Variants in NALCN observed in about 807,000 individuals in gnomAD.
The protein encoded by NALCN is sodium leak channel, non-selective.
Under a neutral mutation model 225.3 loss-of-function variants are expected in NALCN, and 111 were observed. The observed-to-expected ratio is 0.49, with a 90% CI of 0.42 to 0.58. The LOEUF (loss-of-function observed/expected upper bound fraction) is 0.58. Among genes scored for constraint, NALCN ranks in the 20% least tolerant of loss-of-function variants. NALCN has a pLI of 0.00. For synonymous variants in NALCN, 764 were observed against 769.0 expected (o/e 0.99, Z 0.11); for missense variants, 1,378 against 2,202.4 (o/e 0.63, Z 7.49).
intron 10 of NALCN, among the ~76,000 whole-genome samples, chr13:101,265,415 C>A (rs1269199385): frequency 6.6e-6 from 1 of 152,112 alleles, no homozygotes; most frequent in Non-Finnish European, 1.5e-5. Context: ...GAGTCTGGAA[C>A]AATGGGACTG....
chr13:101,246,174 A>AC (rs751788310), intron 11 of NALCN, among the ~76,000 whole-genome samples: 1 of 152,074 alleles, frequency 6.6e-6, no homozygotes, highest in Non-Finnish European at 1.5e-5. Flanking sequence ...TGCAGTCGAG[A>AC]CCCTCTACCA....
intron 3 of NALCN, among the ~76,000 whole-genome samples, chr13:101,390,947 T>C (rs1443698800): frequency 2.0e-5 from 3 of 151,332 alleles, no homozygotes; most frequent in Non-Finnish European, 2.9e-5. Context: ...CATTAGGAAA[T>C]ATACCTAATG....
At chr13:101,058,217 A>T (rs1451797682) in intron 42 of NALCN, 161 bp from the exon 43 acceptor site, 1 of 613,902 alleles carries the variant, frequency 1.6e-6, no homozygotes, top group Non-Finnish European at 2.8e-6. Flanking sequence ...ATAAAGGGTC[A>T]CAGAAGAAAA....
chr13:101,055,059 A>C lies in NALCN; in HGVS notation c.*236T>G, dbSNP rs1268725045. 1.0e-5 allele frequency: 5 copies of C among 492,960 alleles called. No individual in the cohort carries two copies. The highest frequency in any genetic ancestry group is 7.5e-5 in the Admixed American group (2 of 26,740). The allele number at this position is 492,960 out of a possible 1,614,324, so 30.5% of individuals were successfully genotyped here. On this transcript the variant is annotated 3_prime_UTR_variant, in exon 44 of 44. Transcript: ENST00000251127. Reference sequence around the variant, plus strand: ...GTGATATACATTTGCTTGCGGTATCATTTCTAATATTATCAGTACTGTCAT... The same window carrying C: ...GTGATATACATTTGCTTGCGGTATCCTTTCTAATATTATCAGTACTGTCAT...
intron 6 of NALCN, 128 bp from the exon 7 acceptor site, chr13:101,345,548 G>T: frequency 9.0e-7 from 1 of 1,113,204 alleles, no homozygotes; most frequent in Non-Finnish European, 1.2e-6. Context: ...GCCTGTAATC[G>T]TTGCACTTTG....
chr13:101,410,355 A>G (rs1261275248), intron 1 of NALCN, among the ~76,000 whole-genome samples: 2 of 152,244 alleles, frequency 1.3e-5, no homozygotes, highest in Non-Finnish European at 2.9e-5. Flanking sequence ...TAGAGAGTTC[A>G]CATTGCATAG....
At position 101,123,979 on chromosome 13, in the gene NALCN, A is replaced by G. The variant is rs531389660; in HGVS notation, c.2192+629T>C. On this transcript the variant is annotated intron_variant, in intron 18 of 43. Transcript: ENST00000251127. ...CCCAATCTTGAGTTGTGTCATCTAC[A>G]TATGTCTATGTAATATATGTACCAA... 2.6e-5 allele frequency among the ~76,000 whole-genome samples: 4 copies of G among 152,316 alleles called. No homozygotes were observed. The South Asian group carries it at 8.3e-4, about 32-fold the overall frequency.
In NALCN at chr13:101,124,724, G is replaced by A. The variant is rs770856091; in HGVS notation, c.2119-43C>T. On this transcript the variant is annotated intron_variant, in intron 17 of 43. Transcript: ENST00000251127. ...ATGACTTTTAGTTTTGGAATGTTAA[G>A]AAATAATATACTGTCAAATCATTCA... is the stretch of plus-strand genomic sequence containing the variant. 4.8e-6 allele frequency: 7 copies of A among 1,471,250 alleles called. No homozygotes were observed. In the East Asian group the frequency reaches 1.6e-4, roughly 33 times the overall value. 91.1% of individuals were successfully genotyped at this position (1,471,250 alleles called of 1,614,324 possible).
At chr13:101,305,469 A>G (rs1301483874) in intron 7 of NALCN, among the ~76,000 whole-genome samples, 3 of 152,134 alleles carry the variant, frequency 2.0e-5, no homozygotes, top group South Asian at 2.1e-4. Flanking sequence ...TAGCAAGACA[A>G]TTCTTTCATT....
At chr13:101,060,845 G>C (rs930357875) in intron 41 of NALCN, among the ~76,000 whole-genome samples, 13 of 152,174 alleles carry the variant, frequency 8.5e-5, no homozygotes, top group African/African-American at 3.1e-4. Flanking sequence ...GCCAGAGGAG[G>C]ACAGATTGAT....
intron 40 of NALCN, 87 bp from the exon 41 acceptor site, chr13:101,062,205 A>T: frequency 6.8e-7 from 1 of 1,468,764 alleles, no homozygotes; most frequent in Non-Finnish European, 9.2e-7. Context: ...AGAGGACATC[A>T]CTCAGTCTAA....
At chr13:101,356,015 C>T (rs1264932889) in intron 6 of NALCN, among the ~76,000 whole-genome samples, 1 of 152,072 alleles carries the variant, frequency 6.6e-6, no homozygotes, top group Non-Finnish European at 1.5e-5. Context: ...AACAAAGAGA[C>T]AACGTACCAG....
intron 17 of NALCN, 53 bp downstream of exon 17, chr13:101,143,027 C>T: frequency 6.2e-7 from 1 of 1,611,428 alleles, no homozygotes; most frequent in Non-Finnish European, 8.5e-7. Flanking sequence ...CGGTTCTTTT[C>T]TCAAACATAG....
At chr13:101,415,032 C>T (rs1400094279) in intron 1 of NALCN, among the ~76,000 whole-genome samples, 2 of 151,388 alleles carry the variant, frequency 1.3e-5, no homozygotes, top group Non-Finnish European at 2.9e-5. Context: ...AAATGTTTCT[C>T]GTTGCAGATG....
In NALCN at chr13:101,081,555, A is replaced by G. The variant is rs556903782; in HGVS notation, c.3857T>C (p.Val1286Ala). The change falls in exon 34 of 44, where the codon GTA (valine) becomes GCA (alanine). Residue 1286 changes from valine to alanine, a missense_variant. Transcript: ENST00000251127. ...YDLLVTSLGV[V>A]WVVLHFALLN... is the part of the protein sequence containing the mutation. Reference sequence around the variant, plus strand: ...GAGGGCAAAGTGAAGCACCACCCATACAACGCCAAGCGACGTCACCAGGAG... The same window carrying G: ...GAGGGCAAAGTGAAGCACCACCCATGCAACGCCAAGCGACGTCACCAGGAG... 6.8e-6 allele frequency: 11 copies of G among 1,614,026 alleles called. No homozygotes were observed. The highest frequency in any genetic ancestry group is 9.3e-6 in the Non-Finnish European group (11 of 1,180,020).
intron 17 of NALCN, 76 bp downstream of exon 17, chr13:101,143,004 C>G: frequency 3.2e-6 from 5 of 1,553,618 alleles, no homozygotes; most frequent in Non-Finnish European, 4.4e-6. Flanking sequence ...TTCCAGGACC[C>G]TAAAGAACTC....
At chr13:101,186,370 C>T (rs555079214) in intron 14 of NALCN, among the ~76,000 whole-genome samples, 2 of 152,282 alleles carry the variant, frequency 1.3e-5, no homozygotes, top group South Asian at 4.1e-4. Context: ...CCACTTTGGC[C>T]AGGACGTAGG....
At chr13:101,346,087 C>CTCTCTCTA in intron 6 of NALCN, among the ~76,000 whole-genome samples, 103 of 70,964 alleles carry the variant, frequency 1.5e-3, no homozygotes, top group African/African-American at 3.2e-3. Context: ...CTCTCTCTCT[C>CTCTCTCTA]TATATATATA....
chr13:101,258,590 A>C lies in NALCN; in HGVS notation c.1135-16T>G. ...GCATCATTTTCTGAGGGGGCGAAAC[A>C]GACAGACTCTTAACAAAGAAATAAA... On this transcript the variant is annotated splice_polypyrimidine_tract_variant and intron_variant, in intron 10 of 43. Transcript: ENST00000251127. The C allele has an allele frequency of 6.2e-6, 10 of 1,614,066 alleles. No homozygotes were observed. Among genetic ancestry groups the C allele is most frequent in the Non-Finnish European group, 7.6e-6 (9 of 1,179,980 alleles).
Sources: allele counts gnomAD v4.1 joint callset (sites outside exome capture counted in the v4.1 genomes callset), GRCh38; gene constraint gnomAD v4.1.1; transcripts MANE v1.5; gene names NCBI Gene and HGNC (gene_info 2026-07-23, HGNC 2026-07-21).